Variants in ABI1 observed in about 807,000 individuals in gnomAD.
ABI1 encodes the protein Abelson interactor 1.
ABI1 carries 14 observed loss-of-function variants against 54.6 expected under a neutral mutation model. The ratio of observed to expected loss-of-function variants is 0.26; its 90% CI spans 0.17 to 0.40. The LOEUF (loss-of-function observed/expected upper bound fraction) is 0.40, where lower values mean the gene tolerates loss of function less well. ABI1 is among the 10% of genes least tolerant of loss of function. The pLI is 1.00. For missense variants in ABI1, 443 were observed against 598.3 expected (o/e 0.74, Z 2.71); for synonymous variants, 194 against 209.3 (o/e 0.93, Z 0.63).
intron 2 of ABI1, among the ~76,000 whole-genome samples, chr10:26,803,417 C>T (rs181395401): frequency 6.6e-6 from 1 of 152,232 alleles, no homozygotes; most frequent in Admixed American, 6.5e-5. Context: ...AGTCCATTTG[C>T]TCTCCTATTT....
intron 1 of ABI1, among the ~76,000 whole-genome samples, chr10:26,850,240 G>A (rs2050279561): frequency 6.6e-6 from 1 of 152,078 alleles, no homozygotes. Context: ...GAAAACTAAG[G>A]TTACATTTTT....
intron 2 of ABI1, among the ~76,000 whole-genome samples, chr10:26,791,393 TCTACTCACAAC>T (rs1843439799): frequency 6.6e-6 from 1 of 152,148 alleles, no homozygotes; most frequent in Admixed American, 6.5e-5. Context: ...CACACCCCCA[TCTACTCACAAC>T]CACACATACA....
At chr10:26,786,391 G>C (rs1439637882) in intron 2 of ABI1, among the ~76,000 whole-genome samples, 1 of 151,886 alleles carries the variant, frequency 6.6e-6, no homozygotes, top group African/African-American at 2.4e-5. Flanking sequence ...ATTTTTGTAT[G>C]TTTTGTAGAG....
Position 26,835,106 on chromosome 10 carries a change from A to AAAAAC in ABI1, c.118-11802_118-11801insGTTTT, listed in dbSNP as rs1564561529. Among the ~76,000 whole-genome samples the AAAAAC allele has an allele frequency of 1.0e-4, 13 of 124,796 alleles. 2 individuals are homozygous for AAAAAC. Among genetic ancestry groups the AAAAAC allele is most frequent in the African/African-American group, 3.9e-4 (12 of 30,914 alleles). The allele number at this position is 124,796 out of a possible 152,430, so 81.9% of individuals were successfully genotyped here. A position where few individuals can be genotyped will look rare whatever the true frequency, so the allele number is the denominator to read the frequency against. On this transcript the variant is annotated intron_variant, in intron 1 of 10. Coordinates refer to ENST00000376140, the MANE Select transcript of ABI1 (RefSeq NM_001012750.3). ...TCTACCTCAAAAAAAAAAAAAAAAA[A>AAAAAC]AAAAAAAAACCCACAATGCAATATC...
chr10:26,794,438 C>A (rs978759359), intron 2 of ABI1, among the ~76,000 whole-genome samples: 3 of 151,610 alleles, frequency 2.0e-5, no homozygotes, highest in Non-Finnish European at 2.9e-5. Context: ...AAATAAAATT[C>A]TCTACATATG....
At chr10:26,793,245 C>G (rs1421534239) in intron 2 of ABI1, among the ~76,000 whole-genome samples, 2 of 152,150 alleles carry the variant, frequency 1.3e-5, no homozygotes, top group Non-Finnish European at 2.9e-5. Context: ...ACAGAGGAAG[C>G]CTTCAGCCAA....
intron 2 of ABI1, among the ~76,000 whole-genome samples, chr10:26,816,834 G>A (rs745460113): frequency 1.3e-5 from 2 of 152,070 alleles, no homozygotes; most frequent in African/African-American, 2.4e-5. Context: ...CCTTGAGCAT[G>A]CATCACCATT....
At chr10:26,832,642 G>A (rs1164268994) in intron 1 of ABI1, among the ~76,000 whole-genome samples, 1 of 152,026 alleles carries the variant, frequency 6.6e-6, no homozygotes, top group East Asian at 1.9e-4. Flanking sequence ...CCAATGGAAA[G>A]GATTTTAAAT....
At chr10:26,841,029 C>T (rs2049458164) in intron 1 of ABI1, among the ~76,000 whole-genome samples, 1 of 152,156 alleles carries the variant, frequency 6.6e-6, no homozygotes, top group Non-Finnish European at 1.5e-5. Flanking sequence ...TTGCAAATAA[C>T]ATTTTACTAA....
At chr10:26,813,199 A>G (rs1224439358) in intron 2 of ABI1, among the ~76,000 whole-genome samples, 1 of 152,012 alleles carries the variant, frequency 6.6e-6, no homozygotes, top group Non-Finnish European at 1.5e-5. Context: ...CAATGGGTCA[A>G]GATCACGACA....
At position 26,759,167 on chromosome 10, in the gene ABI1, T is replaced by C. The variant is rs1445133516; in HGVS notation, c.892A>G (p.Thr298Ala). 1 of 1,613,918 alleles carries C rather than the reference T, an allele frequency of 6.2e-7. No homozygotes were observed. The highest frequency in any genetic ancestry group is 8.5e-7 in the Non-Finnish European group (1 of 1,179,946). ...TRQISRHNST[T>A]SSTSSGGYRR... ...TATCCACCAGAAGATGTCGAAGAAG[T>C]AGTAGAGTTGTGTCGAGATATCTGC... The change falls in exon 8 of 11, where the codon ACT becomes GCT. Residue 298 changes from threonine (T) to alanine (A), a missense_variant. By Grantham distance (58) the Thr-to-Ala change is moderately conservative. This residue lies in a region of ABI1 where 394 missense variants were observed against 484.8 expected (regional missense o/e 0.81). Coordinates refer to ENST00000376140, the MANE Select transcript of ABI1 (RefSeq NM_001012750.3).
At chr10:26,839,895 C>A in intron 1 of ABI1, 1 of 623,404 alleles carries the variant, frequency 1.6e-6, no homozygotes, top group Non-Finnish European at 2.9e-6. Context: ...AAGGCTAAGG[C>A]AAGGGAACTG....
At position 26,748,366 on chromosome 10, in the gene ABI1, C is replaced by A; in HGVS notation, c.*204G>T. 1 of 473,830 alleles carries A rather than the reference C, an allele frequency of 2.1e-6. No homozygotes were observed. Among genetic ancestry groups the A allele is most frequent in the South Asian group, 4.3e-5 (1 of 23,486 alleles). 29.4% of individuals were successfully genotyped at this position (473,830 alleles called of 1,614,324 possible). A position where few individuals can be genotyped will look rare whatever the true frequency, so the allele number is the denominator to read the frequency against. On this transcript the variant is annotated 3_prime_UTR_variant, in exon 11 of 11. Coordinates refer to ENST00000376140, the MANE Select transcript of ABI1 (RefSeq NM_001012750.3). ...GTACATAAGCATAATCAGTTATGGA[C>A]AGCTTCTTGTATAAATTGCTATTCA...
chr10:26,833,777 C>CAA (rs982632802), intron 1 of ABI1, among the ~76,000 whole-genome samples: 6 of 151,668 alleles, frequency 4.0e-5, no homozygotes, highest in Non-Finnish European at 7.4e-5. Flanking sequence ...TATACACACA[C>CAA]ACACACACAC....
chr10:26,764,046 G>T, intron 7 of ABI1: 1 of 1,020,572 alleles, frequency 9.8e-7, no homozygotes, highest in Non-Finnish European at 1.4e-6. Flanking sequence ...AATGTATCGG[G>T]AAGAAAAAGA....
At chr10:26,828,741 A>G (rs1368399953) in intron 1 of ABI1, among the ~76,000 whole-genome samples, 1 of 152,000 alleles carries the variant, frequency 6.6e-6, no homozygotes, top group Non-Finnish European at 1.5e-5. Context: ...AAAAACTGAA[A>G]TTGTTTTTAG....
At chr10:26,829,192 C>G (rs1011314357) in intron 1 of ABI1, among the ~76,000 whole-genome samples, 2 of 150,758 alleles carry the variant, frequency 1.3e-5, no homozygotes, top group Admixed American at 6.6e-5. Flanking sequence ...CGCCACTGCA[C>G]TCCAACCTAG....
chr10:26,771,183 T>C, intron 3 of ABI1, 94 bp from the exon 4 acceptor site: 3 of 1,343,486 alleles, frequency 2.2e-6, no homozygotes, highest in Non-Finnish European at 3.2e-6. Flanking sequence ...AGTTACTCAA[T>C]TCATGTTAAT....
Position 26,770,299 on chromosome 10 carries a change from T to C in ABI1, c.524A>G (p.Asn175Ser). Residue 175 changes from asparagine (N) to serine (S), a missense_variant, in exon 5 of 11, where the codon AAT (asparagine) becomes AGT (serine). This residue lies in a region of ABI1 where 394 missense variants were observed against 484.8 expected (regional missense o/e 0.81). Transcript: ENST00000376140. ...ACTTGGCGGTTTCTGAGTAGGAGGATTTGTTCTCGACAGTGTGCCAGTTCT... is the reference window on the plus strand; with the variant it reads ...ACTTGGCGGTTTCTGAGTAGGAGGACTTGTTCTCGACAGTGTGCCAGTTCT... ...PARTGTLSRT[N>S]PPTQKPPSPP... The C allele has an allele frequency of 6.2e-7, 1 of 1,614,072 alleles. No individual in the cohort carries two copies. Among genetic ancestry groups the C allele is most frequent in the African/African-American group, 1.3e-5 (1 of 75,060 alleles).
Sources: gnomAD v4.1 joint callset for allele counts (sites outside exome capture counted in the v4.1 genomes callset) on GRCh38, gnomAD v4.1.1 for gene constraint, gnomAD v4.1.1 regional missense constraint, MANE v1.5 for transcripts, NCBI Gene and HGNC (gene_info 2026-07-23, HGNC 2026-07-21) for gene names.